ROR1: variants seen among roughly 807,000 people sequenced by gnomAD.
ROR1 encodes the protein inactive tyrosine-protein kinase transmembrane receptor ROR1.
Under a neutral mutation model 78.8 loss-of-function variants are expected in ROR1, and 19 were observed. That is an observed-to-expected ratio of 0.24 (90% CI 0.17 to 0.35). ROR1 has a LOEUF of 0.35. Ranked by LOEUF, ROR1 falls within the 10% of genes least tolerant of loss-of-function variation. ROR1 has a pLI of 1.00. For missense variants in ROR1, 917 were observed against 1,177.8 expected (o/e 0.78, Z 3.24); for synonymous variants, 386 against 433.6 (o/e 0.89, Z 1.36).
chr1:63,859,814 C>G (rs1645169207), intron 1 of ROR1, among the ~76,000 whole-genome samples: 1 of 152,224 alleles, frequency 6.6e-6, no homozygotes, highest in Admixed American at 6.5e-5. Context: ...TGTGGACTAG[C>G]TCTGAGCTTC....
intron 1 of ROR1, among the ~76,000 whole-genome samples, chr1:63,903,381 C>G (rs942888422): frequency 6.6e-6 from 1 of 151,656 alleles, no homozygotes; most frequent in Admixed American, 6.6e-5. Flanking sequence ...TTGATGATGT[C>G]ATTCATTTGA....
chr1:63,994,683 C>G (rs567301726), intron 1 of ROR1, among the ~76,000 whole-genome samples: 2 of 152,324 alleles, frequency 1.3e-5, no homozygotes, highest in African/African-American at 2.4e-5. Context: ...CATTGCTTCT[C>G]TCTCCCAAGT....
chr1:63,849,750 T>C (rs1368208380), intron 1 of ROR1, among the ~76,000 whole-genome samples: 1 of 152,126 alleles, frequency 6.6e-6, no homozygotes, highest in Non-Finnish European at 1.5e-5. Flanking sequence ...TGGATTTTTG[T>C]TTTTCCTACC....
At chr1:64,176,034 C>T (rs1278243599) in intron 8 of ROR1, among the ~76,000 whole-genome samples, 2 of 152,110 alleles carry the variant, frequency 1.3e-5, no homozygotes, top group Non-Finnish European at 2.9e-5. Flanking sequence ...TCTTTTCTAA[C>T]AAATTAAATG....
chr1:64,031,412 C>T (rs946435174), intron 2 of ROR1, among the ~76,000 whole-genome samples: 1 of 152,206 alleles, frequency 6.6e-6, no homozygotes, highest in Non-Finnish European at 1.5e-5. Context: ...CCTGAGCCCC[C>T]CAGGGTCAGC....
chr1:64,177,934 T>C lies in ROR1; in HGVS notation c.1893T>C (p.Ile631=). The change falls in exon 9 of 9, where the codon ATT becomes ATC. Residue 631 remains isoleucine (I), a synonymous_variant. Coordinates refer to ENST00000371079, the MANE Select transcript of ROR1 (RefSeq NM_005012.4). The stretch of plus-strand genomic sequence containing the variant: ...TCGGAGAGCAACTTCATGTAAAGAT[T>C]TCAGACTTGGGGCTTTCCAGAGAAA... The part of the protein sequence containing the change: ...ILIGEQLHVK[I]SDLGLSREIY... 1.2e-6 allele frequency: 2 copies of C among 1,614,210 alleles called. No individual in the cohort carries two copies.
At position 63,797,902 on chromosome 1, in the gene ROR1, G is replaced by C. The variant is rs1389089721; in HGVS notation, c.91+23394G>C. 2.7e-5 allele frequency among the ~76,000 whole-genome samples: 4 copies of C among 145,768 alleles called. No homozygotes were observed. The East Asian group carries it at 8.1e-4, about 30-fold the overall frequency. ...GTTCTCTATCTTCAGGATAACCTTTGAGAGGACAGACGACCAAATTCCTTT... is the reference window on the plus strand; with the variant it reads ...GTTCTCTATCTTCAGGATAACCTTTCAGAGGACAGACGACCAAATTCCTTT... On this transcript the variant is annotated intron_variant, in intron 1 of 8. Transcript: ENST00000371079.
intron 1 of ROR1, among the ~76,000 whole-genome samples, chr1:63,911,370 G>A (rs1245688813): frequency 6.6e-6 from 1 of 152,114 alleles, no homozygotes; most frequent in African/African-American, 2.4e-5. Context: ...TCCAGGGCTA[G>A]TTAGGAGCCG....
At chr1:63,992,748 A>T (rs778175115) in intron 1 of ROR1, among the ~76,000 whole-genome samples, 1 of 152,142 alleles carries the variant, frequency 6.6e-6, no homozygotes, top group Non-Finnish European at 1.5e-5. Flanking sequence ...ACATCAGCAA[A>T]TGTTTGTGAA....
At chr1:64,039,254 A>T (rs945256011) in intron 2 of ROR1, among the ~76,000 whole-genome samples, 2 of 152,212 alleles carry the variant, frequency 1.3e-5, no homozygotes, top group African/African-American at 4.8e-5. Flanking sequence ...CTGGGAAAAC[A>T]TGAAACTGGA....
At chr1:63,989,149 C>T (rs966040160) in intron 1 of ROR1, among the ~76,000 whole-genome samples, 1 of 142,070 alleles carries the variant, frequency 7.0e-6, no homozygotes, top group East Asian at 2.0e-4. Flanking sequence ...TTTGCCAACA[C>T]TTGTCATTTT....
chr1:64,045,294 G>T (rs1017845942), intron 2 of ROR1, among the ~76,000 whole-genome samples: 1 of 151,440 alleles, frequency 6.6e-6, no homozygotes, highest in African/African-American at 2.4e-5. Context: ...GGAGGCTTCA[G>T]CTGTCTGGTT....
chr1:64,006,576 G>A (rs1452044686), intron 1 of ROR1, among the ~76,000 whole-genome samples: 1 of 152,138 alleles, frequency 6.6e-6, no homozygotes, highest in Non-Finnish European at 1.5e-5. Flanking sequence ...TTCCACTGTG[G>A]CTTTGTAGTA....
At position 63,876,645 on chromosome 1, in the gene ROR1, G is replaced by GGTGTGT. The variant is rs367954652; in HGVS notation, c.91+102169_91+102174dup. Among the ~76,000 whole-genome samples, 546 of 130,652 alleles carry GGTGTGT rather than the reference G, an allele frequency of 4.2e-3. 2 individuals carry two copies. Among genetic ancestry groups the GGTGTGT allele is most frequent in the South Asian group, 9.7e-3 (39 of 4,018 alleles). 85.7% of individuals were successfully genotyped at this position (130,652 alleles called of 152,430 possible). Reference sequence around the variant, plus strand: ...TGTATGCATGTGTTTCCACGAAAGGGGTGTGTGTGTGTGTGTGTGTGTGTG... The same window carrying GGTGTGT: ...TGTATGCATGTGTTTCCACGAAAGGGGTGTGTGTGTGTGTGTGTGTGTGTGTGTGTG... On this transcript the variant is annotated intron_variant, in intron 1 of 8. Transcript: ENST00000371079.
intron 4 of ROR1, among the ~76,000 whole-genome samples, chr1:64,051,933 A>G (rs960721988): frequency 1.3e-5 from 2 of 152,234 alleles, no homozygotes; most frequent in Non-Finnish European, 2.9e-5. Context: ...GTATTTTAAT[A>G]CATTTGTGTG....
At chr1:63,857,178 A>G (rs556177412) in intron 1 of ROR1, among the ~76,000 whole-genome samples, 3 of 151,828 alleles carry the variant, frequency 2.0e-5, no homozygotes, top group African/African-American at 7.3e-5. Flanking sequence ...TTTTTACAGA[A>G]ATGAGATTAG....
chr1:64,103,860 C>T (rs747153413), intron 4 of ROR1, among the ~76,000 whole-genome samples: 1 of 152,036 alleles, frequency 6.6e-6, no homozygotes, highest in Non-Finnish European at 1.5e-5. Context: ...CCATTTGTGC[C>T]AGGCTTTGGG....
At chr1:64,061,886 T>C (rs1646919388) in intron 4 of ROR1, among the ~76,000 whole-genome samples, 1 of 152,232 alleles carries the variant, frequency 6.6e-6, no homozygotes. Context: ...GTGAATTTCA[T>C]GCAACTTGCT....
chr1:63,974,426 T>G (rs904977748), intron 1 of ROR1, among the ~76,000 whole-genome samples: 2 of 152,200 alleles, frequency 1.3e-5, no homozygotes, highest in Non-Finnish European at 2.9e-5. Flanking sequence ...TTCTGAAGTA[T>G]TAATTCAATA....
Sources: allele counts gnomAD v4.1 joint callset (sites outside exome capture counted in the v4.1 genomes callset), GRCh38; gene constraint gnomAD v4.1.1; transcripts MANE v1.5; gene names NCBI Gene and HGNC (gene_info 2026-07-23, HGNC 2026-07-21).